Variants in TMEM275 observed in about 807,000 individuals in gnomAD.
TMEM275 encodes the protein transmembrane protein 275.
Position 46,533,732 on chromosome 1 carries a change from G to C in TMEM275, c.-123-82C>G, listed in dbSNP as rs1316946324. 2 of 362,112 alleles carry C rather than the reference G, an allele frequency of 5.5e-6. No homozygotes were observed. Among genetic ancestry groups the C allele is most frequent in the African/African-American group, 2.1e-5 (1 of 47,198 alleles). The allele number at this position is 362,112 out of a possible 1,614,324, so 22.4% of individuals were successfully genotyped here. Reference sequence around the variant, plus strand: ...GGCTCCGTCTGTAGCTACACTGAGTGCCTGGGTGGGCAGAGGTCATCTTGG... The same window carrying C: ...GGCTCCGTCTGTAGCTACACTGAGTCCCTGGGTGGGCAGAGGTCATCTTGG... On this transcript the variant is annotated intron_variant, in intron 1 of 1. Transcript: ENST00000634804. The surrounding 1 kb of genome is among the most constrained non-coding windows in gnomAD (Gnocchi z 4.4).
At chr1:46,532,818 G>A in exon 2 of TMEM275, 3 of 381,536 alleles carry the variant, frequency 7.9e-6, no homozygotes, top group East Asian at 7.5e-5. Flanking sequence ...AGGAGTTTGG[G>A]AGATGGAAAA....
chr1:46,535,276 C>G (rs1380982015), intron 1 of TMEM275, among the ~76,000 whole-genome samples: 1 of 152,214 alleles, frequency 6.6e-6, no homozygotes, highest in Non-Finnish European at 1.5e-5. Flanking sequence ...GACTCCAGGG[C>G]TCCCTCTCCT....
At chr1:46,534,945 C>A (rs757180207) in intron 1 of TMEM275, among the ~76,000 whole-genome samples, 166 bp downstream of exon 1, 1 of 152,146 alleles carries the variant, frequency 6.6e-6, no homozygotes, top group African/African-American at 2.4e-5. Context: ...TAATTAAATA[C>A]TTTAAGCTAA....
At position 46,533,498 on chromosome 1, in the gene TMEM275, T is replaced by C. The variant is rs1407559537; in HGVS notation, c.30A>G (p.Pro10=). ...CGCGTTCCGCGGGCGCCGGGACCGG[T>C]GGCCCCTCGCTCTTTTCTGCCGGCG... The change falls in exon 2 of 2, where the codon CCA becomes CCG. Residue 10 remains proline (P), a synonymous_variant. Coordinates refer to ENST00000634804, the Ensembl canonical transcript of TMEM275. This position sits in a 1 kb window ranked among gnomAD's most constrained non-coding sequence, Gnocchi z 4.4. The C allele has an allele frequency of 2.6e-6, 1 of 388,960 alleles. No individual in the cohort carries two copies. Among genetic ancestry groups the C allele is most frequent in the Non-Finnish European group, 4.5e-6 (1 of 219,802 alleles). 24.1% of individuals were successfully genotyped at this position (388,960 alleles called of 1,614,324 possible). A position where few individuals can be genotyped will look rare whatever the true frequency, so the allele number is the denominator to read the frequency against.
chr1:46,533,318 C>T lies in TMEM275; in HGVS notation c.210G>A (p.Leu70=), dbSNP rs971397825. Residue 70 remains leucine (L), a synonymous_variant, in exon 2 of 2, where the codon CTG becomes CTA. Transcript: ENST00000634804. The surrounding 1 kb of genome is among the most constrained non-coding windows in gnomAD (Gnocchi z 4.4). The stretch of plus-strand genomic sequence containing the variant: ...CCGCGAAGAAGCCGAGCGCCAGCAC[C>T]AGCAGCGCCAGCCCCACGACGAGCA... 2.7e-6 allele frequency: 1 copy of T among 369,860 alleles called. No individual in the cohort carries two copies. Among genetic ancestry groups the T allele is most frequent in the African/African-American group, 2.1e-5 (1 of 46,926 alleles). The allele number at this position is 369,860 out of a possible 1,614,324, so 22.9% of individuals were successfully genotyped here.
chr1:46,533,521 G>A lies in TMEM275; in HGVS notation c.7C>T (p.Pro3Ser). ...GGTGGCCCCTCGCTCTTTTCTGCCG[G>A]CGGCATCGGCCTGCGCACGCCAGGC... is the stretch of plus-strand genomic sequence containing the variant. Residue 3 changes from proline (P) to serine (S), a missense_variant, in exon 2 of 2, where the codon CCG becomes TCG. Physicochemically the swap from Pro to Ser is moderately conservative, Grantham distance 74 (BLOSUM62 -1). Coordinates refer to ENST00000634804, the Ensembl canonical transcript of TMEM275. The surrounding 1 kb of genome is among the most constrained non-coding windows in gnomAD (Gnocchi z 4.4). 2.6e-6 allele frequency: 1 copy of A among 388,772 alleles called. No individual in the cohort carries two copies. The highest frequency in any genetic ancestry group is 4.6e-6 in the Non-Finnish European group (1 of 219,620). 24.1% of individuals were successfully genotyped at this position (388,772 alleles called of 1,614,324 possible). A position where few individuals can be genotyped will look rare whatever the true frequency, so the allele number is the denominator to read the frequency against.
rs535538704 is a variant in TMEM275, at chr1:46,533,208, G to GCGCGGCCGCCACCCTGGCCCGGGCCCGC, written c.292_319dup (p.Ala107GlyfsTer182). 2 of 360,054 alleles carry GCGCGGCCGCCACCCTGGCCCGGGCCCGC rather than the reference G, an allele frequency of 5.6e-6. No homozygotes were observed. Among genetic ancestry groups the GCGCGGCCGCCACCCTGGCCCGGGCCCGC allele is most frequent in the African/African-American group, 4.3e-5 (2 of 46,830 alleles). The allele number at this position is 360,054 out of a possible 1,614,324, so 22.3% of individuals were successfully genotyped here. On this transcript the variant is annotated frameshift_variant, in exon 2 of 2. Coordinates refer to ENST00000634804, the Ensembl canonical transcript of TMEM275. LOFTEE classifies it low-confidence loss of function (END_TRUNC). The surrounding 1 kb of genome is among the most constrained non-coding windows in gnomAD (Gnocchi z 4.4). ...CTCCATCTCCAGCGCCACGGGCCCG[G>GCGCGGCCGCCACCCTGGCCCGGGCCCGC]CGCGGCCGCCACCCTGGCCCGGGCC...
At position 46,533,955 on chromosome 1, in the gene TMEM275, G is replaced by A. The variant is rs1666706192; in HGVS notation, c.-123-305C>T. Among the ~76,000 whole-genome samples the A allele has an allele frequency of 6.6e-6, 1 of 152,186 alleles. No homozygotes were observed. The highest frequency in any genetic ancestry group is 1.9e-4 in the East Asian group (1 of 5,192). On this transcript the variant is annotated intron_variant, in intron 1 of 1. Coordinates refer to ENST00000634804, the Ensembl canonical transcript of TMEM275. This position sits in a 1 kb window ranked among gnomAD's most constrained non-coding sequence, Gnocchi z 4.4. Reference sequence around the variant, plus strand: ...GAAGCCTACCTGAACTCATTTGAGTGAGATAGTGGCTGGAAAGTGCTCAGC... The same window carrying A: ...GAAGCCTACCTGAACTCATTTGAGTAAGATAGTGGCTGGAAAGTGCTCAGC...
chr1:46,534,383 G>A lies in TMEM275; in HGVS notation c.-123-733C>T, dbSNP rs1666712017. 5.3e-5 allele frequency among the ~76,000 whole-genome samples: 8 copies of A among 152,168 alleles called. No individual in the cohort carries two copies. In the South Asian group the frequency reaches 1.4e-3, roughly 28 times the overall value. On this transcript the variant is annotated intron_variant, in intron 1 of 1. Transcript: ENST00000634804. ...GAGGGCACAGTCCCCACATCGGCTG[G>A]CTTGGGCTGGAGCAGATCTAAAGCA...
rs1299185753 is a variant in TMEM275 at position 46,533,296 on chromosome 1, CGAA to C, written c.229_231del (p.Phe77del). The C allele has an allele frequency of 5.5e-6, 2 of 362,678 alleles. No individual in the cohort carries two copies. Among genetic ancestry groups the C allele is most frequent in the African/African-American group, 4.3e-5 (2 of 46,982 alleles). 22.5% of individuals were successfully genotyped at this position (362,678 alleles called of 1,614,324 possible). On this transcript the variant is annotated inframe_deletion, in exon 2 of 2. Transcript: ENST00000634804. The surrounding 1 kb of genome is among the most constrained non-coding windows in gnomAD (Gnocchi z 4.4). The stretch of plus-strand genomic sequence containing the variant: ...CGGCGGCTACACACGCAGCAGGCCG[CGAA>C]GAAGCCGAGCGCCAGCACCAGCAGC...
At position 46,533,862 on chromosome 1, in the gene TMEM275, C is replaced by A. The variant is rs1666705069; in HGVS notation, c.-123-212G>T. On this transcript the variant is annotated intron_variant, in intron 1 of 1. Transcript: ENST00000634804. This position sits in a 1 kb window ranked among gnomAD's most constrained non-coding sequence, Gnocchi z 4.4. ...GGGGGTCCCTCGTGGCCAATCTTGC[C>A]ATCCTCCCTCTCTCCTCACTTTTTT... 6.6e-6 allele frequency among the ~76,000 whole-genome samples: 1 copy of A among 152,136 alleles called. No homozygotes were observed. Among genetic ancestry groups the A allele is most frequent in the Non-Finnish European group, 1.5e-5 (1 of 68,024 alleles).
exon 2 of TMEM275, chr1:46,532,952 G>A (rs896454535): frequency 7.6e-6 from 3 of 395,424 alleles, no homozygotes; most frequent in Non-Finnish European, 8.9e-6. Flanking sequence ...GAAGGAAGGG[G>A]AATGAACCCG....
Position 46,533,468 on chromosome 1 carries a change from CCGGGCGCGTTCCG to C in TMEM275, c.47_59del (p.Ala16GlyfsTer25), listed in dbSNP as rs1666697762. On this transcript the variant is annotated frameshift_variant, in exon 2 of 2. Coordinates refer to ENST00000634804, the Ensembl canonical transcript of TMEM275. LOFTEE classifies it low-confidence loss of function (END_TRUNC). This position sits in a 1 kb window ranked among gnomAD's most constrained non-coding sequence, Gnocchi z 4.4. ...GCGACGGCAGGCCGGGCACCCGGCC[CCGGGCGCGTTCCG>C]CGGGCGCCGGGACCGGTGGCCCCTC... is the stretch of plus-strand genomic sequence containing the variant. The C allele has an allele frequency of 2.6e-6, 1 of 387,638 alleles. No individual in the cohort carries two copies. The highest frequency in any genetic ancestry group is 4.6e-6 in the Non-Finnish European group (1 of 218,954). 24.0% of individuals were successfully genotyped at this position (387,638 alleles called of 1,614,324 possible).
exon 2 of TMEM275, chr1:46,532,378 G>C (rs978808689): frequency 6.6e-6 from 1 of 152,268 alleles, no homozygotes; most frequent in Non-Finnish European, 1.5e-5. Flanking sequence ...TGCTCACCCC[G>C]GCCCTAATTC....
chr1:46,535,307 C>T (rs1194832388), intron 1 of TMEM275, among the ~76,000 whole-genome samples: 1 of 152,178 alleles, frequency 6.6e-6, no homozygotes, highest in Non-Finnish European at 1.5e-5. Flanking sequence ...TGAGAGGTGG[C>T]AGCCCTACTG....
At chr1:46,532,845 C>T (rs879481588) in exon 2 of TMEM275, 3 of 383,794 alleles carry the variant, frequency 7.8e-6, no homozygotes, top group Non-Finnish European at 1.4e-5. Flanking sequence ...GCCACCTGAG[C>T]CCAGCACCAG....
rs1251874083 is a variant in TMEM275 at position 46,533,621 on chromosome 1, G to C, written c.-94C>G. 3 of 366,658 alleles carry C rather than the reference G, an allele frequency of 8.2e-6. No individual in the cohort carries two copies. Among genetic ancestry groups the C allele is most frequent in the African/African-American group, 4.3e-5 (2 of 46,394 alleles). 22.7% of individuals were successfully genotyped at this position (366,658 alleles called of 1,614,324 possible). ...GAGCCTCCTCACGCTGGTCCTGTGGGCAACTGCCAGGAGCCTCCTCACGCT... is the reference window on the plus strand; with the variant it reads ...GAGCCTCCTCACGCTGGTCCTGTGGCCAACTGCCAGGAGCCTCCTCACGCT... On this transcript the variant is annotated 5_prime_UTR_variant, in exon 2 of 2. Coordinates refer to ENST00000634804, the Ensembl canonical transcript of TMEM275. The surrounding 1 kb of genome is among the most constrained non-coding windows in gnomAD (Gnocchi z 4.4).
intron 1 of TMEM275, among the ~76,000 whole-genome samples, chr1:46,535,325 A>G (rs1206470168): frequency 1.3e-5 from 2 of 152,162 alleles, no homozygotes; most frequent in Admixed American, 6.5e-5. Context: ...CTGAGACTCT[A>G]GCCAGAATCA....
In TMEM275 at chr1:46,533,086, G is replaced by GGGGGCTGGGGCC. The variant is rs1666688279; in HGVS notation, c.430_441dup (p.Gly144_Pro147dup). The GGGGGCTGGGGCC allele has an allele frequency of 5.1e-6, 2 of 392,984 alleles. No individual in the cohort carries two copies. The highest frequency in any genetic ancestry group is 4.5e-5 in the Admixed American group (1 of 22,450). 24.3% of individuals were successfully genotyped at this position (392,984 alleles called of 1,614,324 possible). On this transcript the variant is annotated inframe_insertion, in exon 2 of 2. Coordinates refer to ENST00000634804, the Ensembl canonical transcript of TMEM275. This position sits in a 1 kb window ranked among gnomAD's most constrained non-coding sequence, Gnocchi z 4.4. ...GCGGGCGCCGGGGCCTCCAGGGCGA[G>GGGGGCTGGGGCC]GGGGCTGGGGCCGGGGCTGGAGCAG...
Sources: gnomAD v4.1 joint callset for allele counts (sites outside exome capture counted in the v4.1 genomes callset) on GRCh38, gnomAD v4.1.1 for gene constraint, Gnocchi (gnomAD v3.1) non-coding constraint, MANE v1.5 for transcripts, NCBI Gene and HGNC (gene_info 2026-07-23, HGNC 2026-07-21) for gene names.